RNF141: variants seen among roughly 807,000 people sequenced by gnomAD.
The protein encoded by RNF141 is ring finger protein 141, also known as C3HC4-like zinc finger protein.
RNF141 carries 18 observed loss-of-function variants against 27.4 expected under a neutral mutation model. That is an observed-to-expected ratio of 0.66 (90% CI 0.45 to 0.97). RNF141 has a LOEUF of 0.97. RNF141 is among the 50% of genes least tolerant of loss of function. The probability of loss-of-function intolerance (pLI) is 0.00; values close to 1 mark genes in which losing one functional copy is unlikely to be tolerated. For missense variants in RNF141, 230 were observed against 279.4 expected (o/e 0.82, Z 1.26); for synonymous variants, 97 against 96.6 (o/e 1.00, Z -0.02).
chr11:10,525,501 T>A, intron 3 of RNF141, 128 bp from the exon 4 acceptor site: 2 of 651,216 alleles, frequency 3.1e-6, no homozygotes, highest in Middle Eastern at 3.6e-4. Context: ...GCAAATTACA[T>A]AAGAAAGCAA....
chr11:10,534,435 A>T (rs1850016157), intron 1 of RNF141, among the ~76,000 whole-genome samples: 1 of 151,782 alleles, frequency 6.6e-6, no homozygotes, highest in African/African-American at 2.4e-5. Context: ...TAATTCTTAT[A>T]ATTTTACCAA....
At chr11:10,529,467 A>G (rs776318413) in intron 3 of RNF141, among the ~76,000 whole-genome samples, 4 of 152,256 alleles carry the variant, frequency 2.6e-5, no homozygotes, top group Non-Finnish European at 5.9e-5. Flanking sequence ...AAAAGTAACA[A>G]TGATACAGTC....
At chr11:10,537,250 T>C (rs1017798885) in intron 1 of RNF141, among the ~76,000 whole-genome samples, 8 of 152,154 alleles carry the variant, frequency 5.3e-5, no homozygotes, top group Non-Finnish European at 1.5e-5. Context: ...TAGAAGTACA[T>C]CTAATAAGTG....
At chr11:10,536,076 T>C (rs536201811) in intron 1 of RNF141, among the ~76,000 whole-genome samples, 2 of 152,150 alleles carry the variant, frequency 1.3e-5, no homozygotes, top group Non-Finnish European at 1.5e-5. Context: ...AATAAATGTA[T>C]AATTACAAAA....
chr11:10,515,884 G>T (rs901326282), intron 5 of RNF141: 1 of 152,014 alleles, frequency 6.6e-6, no homozygotes, highest in African/African-American at 2.4e-5. Context: ...TTTCTGGCAG[G>T]GGAAGAACTC....
intron 3 of RNF141, among the ~76,000 whole-genome samples, chr11:10,526,591 G>A (rs1459063178): frequency 6.6e-6 from 1 of 152,028 alleles, no homozygotes; most frequent in Non-Finnish European, 1.5e-5. Flanking sequence ...AGACCATCCT[G>A]GCTAACACGG....
chr11:10,531,270 G>C (rs895144962), intron 2 of RNF141, among the ~76,000 whole-genome samples: 20 of 152,002 alleles, frequency 1.3e-4, no homozygotes, highest in Non-Finnish European at 2.5e-4. Flanking sequence ...AGCTACTCAG[G>C]AGGCTGAGGC....
chr11:10,540,272 T>TTA (rs1295422416), intron 1 of RNF141, among the ~76,000 whole-genome samples: 2 of 152,036 alleles, frequency 1.3e-5, no homozygotes, highest in Admixed American at 6.6e-5. Context: ...TCCAGCAGCT[T>TTA]TATATATATG....
Position 10,521,138 on chromosome 11 carries a change from C to A in RNF141, c.435-1997G>T, listed in dbSNP as rs558174480. 4.7e-4 allele frequency among the ~76,000 whole-genome samples: 71 copies of A among 152,348 alleles called. 1 individual carries two copies. In the South Asian group the frequency reaches 0.015, roughly 32 times the overall value. On this transcript the variant is annotated intron_variant, in intron 4 of 5. Coordinates refer to ENST00000265981, the MANE Select transcript of RNF141 (RefSeq NM_016422.4). ...GCTCCAGCCACAATTCAGAGAGCCC[C>A]TGAATGAGCCATATACCTTTGCAGA...
At chr11:10,520,369 T>C (rs1849878935) in intron 4 of RNF141, among the ~76,000 whole-genome samples, 2 of 152,238 alleles carry the variant, frequency 1.3e-5, no homozygotes, top group Non-Finnish European at 2.9e-5. Flanking sequence ...CTAAACTTTT[T>C]TCTTAAAAAC....
At position 10,514,750 on chromosome 11, in the gene RNF141, A is replaced by G. The variant is rs1849830168; in HGVS notation, c.*166T>C. ...AATTTTAGTACCACAAATGGAAGAC[A>G]TGGGAAGTTTATTTTTAAAAGGGGG... On this transcript the variant is annotated 3_prime_UTR_variant, in exon 6 of 6. Transcript: ENST00000265981. 23 of 572,828 alleles carry G rather than the reference A, an allele frequency of 4.0e-5. No individual in the cohort carries two copies. In the South Asian group the frequency reaches 8.5e-4, roughly 21 times the overall value. The allele number at this position is 572,828 out of a possible 1,614,324, so 35.5% of individuals were successfully genotyped here. A position where few individuals can be genotyped will look rare whatever the true frequency, so the allele number is the denominator to read the frequency against.
intron 1 of RNF141, among the ~76,000 whole-genome samples, chr11:10,536,780 C>A (rs1850040948): frequency 6.6e-6 from 1 of 152,110 alleles, no homozygotes; most frequent in Admixed American, 6.5e-5. Context: ...GGTTTTTAAT[C>A]AAAATAAGTC....
At position 10,519,138 on chromosome 11, in the gene RNF141, C is replaced by T. The variant is rs1173529127; in HGVS notation, c.438G>A (p.Val146=). The T allele has an allele frequency of 3.1e-6, 5 of 1,613,112 alleles. No individual in the cohort carries two copies. The highest frequency in any genetic ancestry group is 1.3e-5 in the African/African-American group (1 of 75,016). The change falls in exon 5 of 6, where the codon GTG becomes GTA. Residue 146 remains valine (V), a synonymous_variant. Coordinates refer to ENST00000265981, the MANE Select transcript of RNF141 (RefSeq NM_016422.4). ...ACTCCTCCTCATCGGTCAGCTGCTTCACCCTGCAATGTGAAAACTGAGCTG... is the reference window on the plus strand; with the variant it reads ...ACTCCTCCTCATCGGTCAGCTGCTTTACCCTGCAATGTGAAAACTGAGCTG... ...SCQASLWMGR[V]KQLTDEEECC... is the part of the protein sequence containing the mutation.
chr11:10,516,926 T>C (rs1408366096), intron 5 of RNF141: 2 of 151,856 alleles, frequency 1.3e-5, no homozygotes, highest in African/African-American at 4.8e-5. Context: ...TTCATAGGAA[T>C]ACAAAAATAT....
intron 5 of RNF141, chr11:10,517,176 A>G (rs760955518): frequency 2.0e-5 from 3 of 152,194 alleles, no homozygotes; most frequent in African/African-American, 7.2e-5. Flanking sequence ...AAGAAGAGAC[A>G]TGAAAGATAA....
At chr11:10,531,083 T>TA (rs1591500096) in intron 2 of RNF141, among the ~76,000 whole-genome samples, 1 of 151,654 alleles carries the variant, frequency 6.6e-6, no homozygotes, top group South Asian at 2.1e-4. Context: ...ATCAGGGACT[T>TA]AAAAAAAAGG....
At chr11:10,530,807 A>C in intron 2 of RNF141, 56 bp from the exon 3 acceptor site, 1 of 1,027,758 alleles carries the variant, frequency 9.7e-7, no homozygotes, top group Non-Finnish European at 1.4e-6. Flanking sequence ...TAATAAAATA[A>C]TACAGCCATG....
At chr11:10,529,706 A>AT (rs1305905443) in intron 3 of RNF141, among the ~76,000 whole-genome samples, 1 of 152,224 alleles carries the variant, frequency 6.6e-6, no homozygotes, top group Non-Finnish European at 1.5e-5. Flanking sequence ...AAGTATAGAG[A>AT]TTAATACAAA....
At chr11:10,524,195 C>G (rs1849912155) in intron 4 of RNF141, among the ~76,000 whole-genome samples, 1 of 152,096 alleles carries the variant, frequency 6.6e-6, no homozygotes, top group Non-Finnish European at 1.5e-5. Flanking sequence ...AGGGCAGGAT[C>G]ATGAGGTTGG....
Sources: allele counts gnomAD v4.1 joint callset (sites outside exome capture counted in the v4.1 genomes callset), GRCh38; gene constraint gnomAD v4.1.1; transcripts MANE v1.5; gene names NCBI Gene and HGNC (gene_info 2026-07-23, HGNC 2026-07-21).